The following LVRN variants were observed in gnomAD, a reference collection of about 807,000 sequenced individuals.
LVRN encodes the protein aminopeptidase Q.
In LVRN, 99 loss-of-function variants were observed where a neutral mutation model predicts 111.4. That is an observed-to-expected ratio of 0.89 (90% CI 0.76 to 1.05). The LOEUF (loss-of-function observed/expected upper bound fraction) is 1.05. Among genes scored for constraint, LVRN ranks in the 50% least tolerant of loss-of-function variants. LVRN has a pLI of 0.00. For synonymous variants in LVRN, 488 were observed against 449.5 expected, an observed-to-expected ratio of 1.09 and a Z score of -1.08; for missense variants, 1,414 against 1,206.8, an observed-to-expected ratio of 1.17 and a Z score of -2.54.
chr5:115,994,564 C>T (rs182980637), intron 6 of LVRN, among the ~76,000 whole-genome samples: 9 of 152,128 alleles, frequency 5.9e-5, no homozygotes, highest in African/African-American at 2.2e-4. Flanking sequence ...TGAGCTACCG[C>T]GCCCAACCTA....
At chr5:115,978,127 A>G (rs1176867333) in intron 1 of LVRN, among the ~76,000 whole-genome samples, 3 of 152,208 alleles carry the variant, frequency 2.0e-5, no homozygotes, top group Non-Finnish European at 1.5e-5. Flanking sequence ...GAAATCTGGC[A>G]TGGTGATTAG....
intron 1 of LVRN, among the ~76,000 whole-genome samples, chr5:115,966,384 C>A (rs1179484855): frequency 1.3e-5 from 2 of 152,128 alleles, no homozygotes; most frequent in Non-Finnish European, 2.9e-5. Flanking sequence ...TAGTTTGAGT[C>A]TTTTTATTGC....
chr5:116,019,136 G>T (rs1748661217), intron 18 of LVRN, among the ~76,000 whole-genome samples: 1 of 152,148 alleles, frequency 6.6e-6, no homozygotes. Context: ...TTGCTCCTAG[G>T]TTACAAACCT....
In LVRN at chr5:116,003,260, A is replaced by G. The variant is rs1453155822; in HGVS notation, c.1917A>G (p.Gln639=). Residue 639 remains glutamine, a synonymous_variant, in exon 12 of 20, where the codon CAA becomes CAG. Coordinates refer to ENST00000357872, the MANE Select transcript of LVRN (RefSeq NM_173800.5). ...TTATAGAAGTATTCCCAGAAATGCA[A>G]GTTTCAGATTCTGACCATGACTGGG... ...DQSSKVFPEM[Q]VSDSDHDWVI... 1 of 1,580,264 alleles carries G rather than the reference A, an allele frequency of 6.3e-7. No homozygotes were observed. The highest frequency in any genetic ancestry group is 2.3e-5 in the East Asian group (1 of 44,018).
At chr5:115,997,777 T>TA (rs1236916290) in intron 6 of LVRN, among the ~76,000 whole-genome samples, 1 of 152,112 alleles carries the variant, frequency 6.6e-6, no homozygotes, top group Non-Finnish European at 1.5e-5. Flanking sequence ...AGTAGCTAGA[T>TA]AGTTTTTTTT....
At chr5:115,980,562 A>C (rs1410900799) in intron 1 of LVRN, among the ~76,000 whole-genome samples, 1 of 151,850 alleles carries the variant, frequency 6.6e-6, no homozygotes, top group African/African-American at 2.4e-5. Context: ...CTGCTTTTAC[A>C]CTCCAGGTTC....
rs1413754526 is a variant in LVRN at position 116,025,996 on chromosome 5, A to G, written c.2851A>G (p.Asn951Asp). ...QIVELQQFFS[N>D]MLEEHQRIRV... Reference sequence around the variant, plus strand: ...CTTCCAGCTGCAGCAGTTTTTCAGTAACATGTTGGAGGAACACCAGAGGAT... The same window carrying G: ...CTTCCAGCTGCAGCAGTTTTTCAGTGACATGTTGGAGGAACACCAGAGGAT... The change falls in exon 20 of 20, where the codon AAC (asparagine) becomes GAC (aspartate). Residue 951 changes from asparagine to aspartate, a missense_variant. Physicochemically the swap from Asn to Asp is conservative, Grantham distance 23. Transcript: ENST00000357872. 1 of 1,613,814 alleles carries G rather than the reference A, an allele frequency of 6.2e-7. No homozygotes were observed. The highest frequency in any genetic ancestry group is 8.5e-7 in the Non-Finnish European group (1 of 1,179,818).
intron 19 of LVRN, 106 bp downstream of exon 19, chr5:116,022,572 A>G: frequency 1.3e-6 from 1 of 774,400 alleles, no homozygotes; most frequent in Non-Finnish European, 2.2e-6. Flanking sequence ...GAATTATTAC[A>G]TTCTATGCTT....
At chr5:116,011,465 T>C (rs570876393) in intron 14 of LVRN, among the ~76,000 whole-genome samples, 1 of 152,212 alleles carries the variant, frequency 6.6e-6, no homozygotes, top group East Asian at 1.9e-4. Flanking sequence ...TTTTAGATCT[T>C]AAACAGTAAT....
chr5:116,005,210 G>C (rs1215191738), intron 12 of LVRN, among the ~76,000 whole-genome samples: 1 of 152,192 alleles, frequency 6.6e-6, no homozygotes, highest in African/African-American at 2.4e-5. Context: ...GACTTGCTCG[G>C]ACCCTTAAAG....
In LVRN at chr5:116,000,622, C is replaced by T. The variant is rs371847787; in HGVS notation, c.1611C>T (p.Asn537=). Residue 537 remains asparagine (N), a synonymous_variant, in exon 9 of 20, where the codon AAC becomes AAT. Transcript: ENST00000357872. ...ATTTGAAGACATTTTCCTACTCAAA[C>T]GCTGAGCAAGATGATCTATGGAGGC... is the stretch of plus-strand genomic sequence containing the variant. ...KSYLKTFSYS[N]AEQDDLWRHF... The T allele has an allele frequency of 1.9e-4, 311 of 1,613,922 alleles. 1 individual carries two copies. The South Asian group carries it at 2.9e-3, about 15-fold the overall frequency.
intron 4 of LVRN, among the ~76,000 whole-genome samples, chr5:115,991,262 G>C (rs1747979358): frequency 6.6e-6 from 1 of 152,026 alleles, no homozygotes; most frequent in African/African-American, 2.4e-5. Flanking sequence ...TTAGAGTTTT[G>C]CCTGTTCCAG....
At chr5:115,984,746 A>G in intron 3 of LVRN, 37 bp downstream of exon 3, 1 of 1,610,402 alleles carries the variant, frequency 6.2e-7, no homozygotes, top group East Asian at 2.2e-5. Context: ...GGGAGATTGT[A>G]CTGGCTGCAG....
At position 115,962,527 on chromosome 5, in the gene LVRN, C is replaced by A; in HGVS notation, c.-91C>A. On this transcript the variant is annotated 5_prime_UTR_variant, in exon 1 of 20. Coordinates refer to ENST00000357872, the MANE Select transcript of LVRN (RefSeq NM_173800.5). ...GAGGCACGATACAAGAGAGGAGGGG[C>A]AGGGGTCGCAGCACTGAACACCCTG... 1.7e-6 allele frequency: 2 copies of A among 1,145,432 alleles called. No individual in the cohort carries two copies. Among genetic ancestry groups the A allele is most frequent in the Admixed American group, 1.9e-5 (1 of 52,764 alleles). The allele number at this position is 1,145,432 out of a possible 1,614,324, so 71.0% of individuals were successfully genotyped here. A position where few individuals can be genotyped will look rare whatever the true frequency, so the allele number is the denominator to read the frequency against.
In LVRN at chr5:115,963,268, G is replaced by A; in HGVS notation, c.651G>A (p.Arg217=). The A allele has an allele frequency of 6.2e-7, 1 of 1,612,618 alleles. No individual in the cohort carries two copies. The highest frequency in any genetic ancestry group is 1.1e-5 in the South Asian group (1 of 90,888). Residue 217 remains arginine (R), a synonymous_variant, in exon 1 of 20, where the codon AGG becomes AGA. Transcript: ENST00000357872. ...CGGGCCTGGTGAAGGAAGACCTCAG[G>A]GAGGGACTCTTCCTCAACGTCTACA... The part of the protein sequence containing the change: ...SFSGLVKEDL[R]EGLFLNVYTD...
chr5:116,009,621 T>C (rs1323906179), intron 13 of LVRN, among the ~76,000 whole-genome samples: 1 of 152,114 alleles, frequency 6.6e-6, no homozygotes, highest in African/African-American at 2.4e-5. Context: ...AAGTTTTCAA[T>C]CCTCATTGGT....
chr5:116,025,209 C>G (rs1748836941), intron 19 of LVRN, among the ~76,000 whole-genome samples: 1 of 152,076 alleles, frequency 6.6e-6, no homozygotes. Context: ...TTACTTGTCC[C>G]TAAAACATTT....
At chr5:115,977,821 G>A (rs73259373) in intron 1 of LVRN, among the ~76,000 whole-genome samples, 9,175 of 152,162 alleles carry the variant, frequency 0.06, 802 homozygotes, top group African/African-American at 0.19. Flanking sequence ...GTAATTTAAT[G>A]AGAGAACTCA....
Position 116,015,393 on chromosome 5 carries a change from C to CATA in LVRN, c.2593_2594insTAA (p.Cys864_Ser865insIle), listed in dbSNP as rs1280544904. The CATA allele has an allele frequency of 1.2e-6, 2 of 1,600,590 alleles. No homozygotes were observed. Among genetic ancestry groups the CATA allele is most frequent in the South Asian group, 2.3e-5 (2 of 87,630 alleles). On this transcript the variant is annotated inframe_insertion, in exon 17 of 20. Transcript: ENST00000357872. The stretch of plus-strand genomic sequence containing the variant: ...TTCAACTTGCTTATGCAATGAGCTG[C>CATA]AGCAAAGACCCATGGATACTTAACA...
Sources: allele counts gnomAD v4.1 joint callset (sites outside exome capture counted in the v4.1 genomes callset), GRCh38; gene constraint gnomAD v4.1.1; transcripts MANE v1.5; gene names NCBI Gene and HGNC (gene_info 2026-07-23, HGNC 2026-07-21).